The following GLYATL2 variants were observed in gnomAD, a reference collection of about 807,000 sequenced individuals.
GLYATL2 encodes the protein glycine N-acyltransferase-like protein 2.
GLYATL2 carries 25 observed loss-of-function variants against 21.4 expected under a neutral mutation model. The observed-to-expected ratio is 1.17, with a 90% CI of 0.85 to 1.63. The LOEUF (loss-of-function observed/expected upper bound fraction) is 1.63. Ranked by LOEUF, GLYATL2 falls within the 40% of genes most tolerant of loss-of-function variation. GLYATL2 has a pLI of 0.00. For missense variants in GLYATL2, 361 were observed against 343.3 expected, an observed-to-expected ratio of 1.05 and a Z score of -0.41; for synonymous variants, 114 against 118.2, an observed-to-expected ratio of 0.96 and a Z score of 0.23.
chr11:58,844,188 A>G (rs181703651), intron 1 of GLYATL2, among the ~76,000 whole-genome samples: 86 of 152,314 alleles, frequency 5.6e-4, no homozygotes, highest in African/African-American at 2.0e-3. Flanking sequence ...TTATAATTCA[A>G]GGAAAGCATT....
Position 58,835,656 on chromosome 11 carries a change from G to A in GLYATL2, c.477-819C>T, listed in dbSNP as rs184485861. Among the ~76,000 whole-genome samples the A allele has an allele frequency of 1.8e-3, 276 of 152,240 alleles. 1 individual carries two copies. Among genetic ancestry groups the A allele is most frequent in the Non-Finnish European group, 3.5e-3 (236 of 68,018 alleles). On this transcript the variant is annotated intron_variant, in intron 5 of 5. Transcript: ENST00000287275. ...ACAGAACGCTAAGTTTTCTACGGGC[G>A]ATGCTTTGTTTTTGCTCACTTCACC...
chr11:58,838,782 G>A (rs1853489764), intron 2 of GLYATL2, among the ~76,000 whole-genome samples: 1 of 152,136 alleles, frequency 6.6e-6, no homozygotes, highest in Non-Finnish European at 1.5e-5. Flanking sequence ...AGGATAGAGA[G>A]TACATAGTTC....
intron 2 of GLYATL2, among the ~76,000 whole-genome samples, chr11:58,839,287 T>C (rs1320283736): frequency 3.9e-5 from 6 of 152,094 alleles, no homozygotes; most frequent in Admixed American, 2.0e-4. Context: ...CAAGGAGGTA[T>C]TGCAATTACC....
intron 1 of GLYATL2, among the ~76,000 whole-genome samples, chr11:58,859,207 C>A (rs1483805924): frequency 1.3e-5 from 2 of 151,882 alleles, no homozygotes; most frequent in African/African-American, 4.8e-5. Context: ...GCTAGCCTAC[C>A]CCCATCCATC....
intron 1 of GLYATL2, among the ~76,000 whole-genome samples, chr11:58,871,621 T>C (rs1854122608): frequency 6.6e-6 from 1 of 152,154 alleles, no homozygotes; most frequent in South Asian, 2.1e-4. Context: ...ACTCATCCTT[T>C]TTTATGGCTG....
At chr11:58,873,519 C>T (rs147402286) in intron 1 of GLYATL2, among the ~76,000 whole-genome samples, 10,732 of 152,170 alleles carry the variant, frequency 0.071, 535 homozygotes, top group Non-Finnish European at 0.12. Flanking sequence ...TTGTCAAAGG[C>T]CTTTTCTGCA....
intron 1 of GLYATL2, among the ~76,000 whole-genome samples, chr11:58,875,734 A>G (rs572517325): frequency 1.8e-4 from 27 of 152,044 alleles, no homozygotes; most frequent in African/African-American, 6.3e-4. Context: ...TTTTTCCTTC[A>G]TTTCAACTTT....
upstream of GLYATL2, among the ~76,000 whole-genome samples, chr11:58,906,712 T>C (rs1854896387): frequency 6.6e-6 from 1 of 152,210 alleles, no homozygotes; most frequent in South Asian, 2.1e-4. Flanking sequence ...CTCTTTCCCA[T>C]CTTGTAGCAC....
intron 1 of GLYATL2, among the ~76,000 whole-genome samples, chr11:58,866,613 C>T (rs1854027295): frequency 1.3e-5 from 2 of 148,826 alleles, no homozygotes; most frequent in African/African-American, 4.9e-5. Context: ...TCTTAGAAGC[C>T]AGTAAAGAAA....
At chr11:58,896,774 C>A (rs1418891588) in intron 1 of GLYATL2, among the ~76,000 whole-genome samples, 1 of 151,994 alleles carries the variant, frequency 6.6e-6, no homozygotes, top group Non-Finnish European at 1.5e-5. Context: ...TATTTTGGCC[C>A]AGACTGCTCT....
chr11:58,877,162 C>A (rs1854250381), intron 1 of GLYATL2, among the ~76,000 whole-genome samples: 2 of 152,210 alleles, frequency 1.3e-5, no homozygotes, highest in Non-Finnish European at 2.9e-5. Flanking sequence ...GTGGGAGTAA[C>A]CCGATTTTCC....
At chr11:58,865,353 A>C (rs1854005602) in intron 1 of GLYATL2, among the ~76,000 whole-genome samples, 1 of 148,936 alleles carries the variant, frequency 6.7e-6, no homozygotes, top group South Asian at 2.1e-4. Flanking sequence ...TTCCTTAACA[A>C]AATAGGACTT....
chr11:58,861,783 C>T (rs1465520933), intron 1 of GLYATL2, among the ~76,000 whole-genome samples: 8 of 151,808 alleles, frequency 5.3e-5, no homozygotes, highest in African/African-American at 1.9e-4. Context: ...CTCTTTAATC[C>T]ATCTGTTGTT....
intron 1 of GLYATL2, among the ~76,000 whole-genome samples, chr11:58,865,271 TATAATAAGAGAA>T (rs1434583786): frequency 6.7e-6 from 1 of 149,032 alleles, no homozygotes; most frequent in Non-Finnish European, 1.5e-5. Context: ...TGATGATAAG[TATAATAAGAGAA>T]ATAATATGTT....
chr11:58,876,910 G>A (rs1261993249), intron 1 of GLYATL2, among the ~76,000 whole-genome samples: 1 of 152,252 alleles, frequency 6.6e-6, no homozygotes. Flanking sequence ...AGGCAGGCAG[G>A]CCTCCTTGAG....
chr11:58,847,399 T>A (rs981127385), upstream of GLYATL2, among the ~76,000 whole-genome samples: 6 of 152,130 alleles, frequency 3.9e-5, no homozygotes, highest in African/African-American at 1.4e-4. Context: ...GCTCTTGACA[T>A]CCCCAATTGC....
In GLYATL2 at chr11:58,874,101, A is replaced by C. The variant is rs192082519; in HGVS notation, n.60+30055T>G. Among the ~76,000 whole-genome samples, 9 of 152,152 alleles carry C rather than the reference A, an allele frequency of 5.9e-5. No individual in the cohort carries two copies. The East Asian group carries it at 1.7e-3, about 29-fold the overall frequency. ...AGGTGTTTATAGTATTCTTGATGGT[A>C]GTTTGTATTTCTGTGGGATCGGTGG... On this transcript the variant is annotated intron_variant and non_coding_transcript_variant, in intron 1 of 4. Coordinates refer to the GLYATL2 transcript ENST00000533636.
intron 1 of GLYATL2, among the ~76,000 whole-genome samples, chr11:58,840,441 T>C (rs1423185948): frequency 6.6e-6 from 1 of 152,128 alleles, no homozygotes; most frequent in Non-Finnish European, 1.5e-5. Flanking sequence ...AAATAATAGA[T>C]TACCAGGCAA....
In GLYATL2 at chr11:58,879,782, G is replaced by A. The variant is rs143799083; in HGVS notation, n.60+24374C>T. 2.1e-3 allele frequency among the ~76,000 whole-genome samples: 320 copies of A among 152,028 alleles called. 2 individuals are homozygous for A. The highest frequency in any genetic ancestry group is 3.3e-3 in the Non-Finnish European group (224 of 67,964). On this transcript the variant is annotated intron_variant and non_coding_transcript_variant, in intron 1 of 4. Transcript: ENST00000533636. The stretch of plus-strand genomic sequence containing the variant: ...TGCTTGTAGAGCATTGTGAATGTAC[G>A]TTGTGAATGTGAATTATACGGTTAA...
Sources: allele counts gnomAD v4.1 joint callset (sites outside exome capture counted in the v4.1 genomes callset), GRCh38; gene constraint gnomAD v4.1.1; transcripts MANE v1.5; gene names NCBI Gene and HGNC (gene_info 2026-07-23, HGNC 2026-07-21).